Variants in FBXL17 observed in about 807,000 individuals in gnomAD.
FBXL17 encodes F-box and leucine rich repeat protein 17.
FBXL17 carries 22 observed loss-of-function variants against 66.2 expected under a neutral mutation model. The ratio of observed to expected loss-of-function variants is 0.33; its 90% confidence interval spans 0.24 to 0.47. FBXL17 has a LOEUF of 0.47. FBXL17 is among the 20% of genes least tolerant of loss of function. FBXL17 has a pLI of 1.00. For missense variants in FBXL17, 878 were observed against 948.2 expected (o/e 0.93, Z 0.97); for synonymous variants, 474 against 400.5 (o/e 1.18, Z -2.19).
intron 6 of FBXL17, among the ~76,000 whole-genome samples, chr5:108,160,145 A>G (rs1328279908): frequency 6.6e-6 from 1 of 152,206 alleles, no homozygotes; most frequent in Non-Finnish European, 1.5e-5. Context: ...CAAAACCCAG[A>G]TCTTAAAATT....
intron 4 of FBXL17, among the ~76,000 whole-genome samples, chr5:108,280,870 T>C (rs1757674974): frequency 6.6e-6 from 1 of 151,814 alleles, no homozygotes; most frequent in Admixed American, 6.6e-5. Flanking sequence ...GTAGTAGCTA[T>C]ACTCATATTA....
chr5:108,378,333 GT>G (rs982551784), intron 1 of FBXL17, among the ~76,000 whole-genome samples: 7 of 133,540 alleles, frequency 5.2e-5, no homozygotes, highest in South Asian at 5.0e-4. Flanking sequence ...TTTGTTTTTT[GT>G]TTTTTTGTTT....
chr5:108,189,046 T>G (rs910213740), intron 5 of FBXL17, among the ~76,000 whole-genome samples: 5 of 152,188 alleles, frequency 3.3e-5, no homozygotes, highest in Non-Finnish European at 5.9e-5. Flanking sequence ...TCACCCACAG[T>G]CATGGCTGGG....
chr5:107,910,261 T>C lies in FBXL17; in HGVS notation c.1823-29082A>G, dbSNP rs533351844. Among the ~76,000 whole-genome samples, 21 of 152,212 alleles carry C rather than the reference T, an allele frequency of 1.4e-4. No homozygotes were observed. The East Asian group carries it at 4.1e-3, about 29-fold the overall frequency. ...TTTTGAAAACTAAGTATGACGCAAATGAAGTAAATTAAAAATCTTTTAATC... is the reference window on the plus strand; with the variant it reads ...TTTTGAAAACTAAGTATGACGCAAACGAAGTAAATTAAAAATCTTTTAATC... On this transcript the variant is annotated intron_variant, in intron 7 of 8. Coordinates refer to ENST00000542267, the MANE Select transcript of FBXL17 (RefSeq NM_001163315.3).
Position 108,189,891 on chromosome 5 carries a change from G to A in FBXL17, c.1615-3644C>T, listed in dbSNP as rs116700866. Among the ~76,000 whole-genome samples the A allele has an allele frequency of 6.5e-3, 992 of 152,166 alleles. 9 individuals are homozygous for A. The highest frequency in any genetic ancestry group is 0.023 in the African/African-American group (944 of 41,554). On this transcript the variant is annotated intron_variant, in intron 5 of 8. Transcript: ENST00000542267. ...ATAAGGGTGTTAGTTCTACAACCAC[G>A]AGGAACTGAATTCTTCAAGCCACTA...
intron 5 of FBXL17, among the ~76,000 whole-genome samples, chr5:108,194,898 A>G (rs573880762): frequency 6.6e-6 from 1 of 152,184 alleles, no homozygotes; most frequent in African/African-American, 2.4e-5. Flanking sequence ...GTTGATCTCA[A>G]CCTGGACTGG....
chr5:108,245,189 T>C lies in FBXL17; in HGVS notation c.1507-20961A>G, dbSNP rs575940869. 2.6e-5 allele frequency among the ~76,000 whole-genome samples: 4 copies of C among 152,138 alleles called. No individual in the cohort carries two copies. The South Asian group carries it at 8.3e-4, about 31-fold the overall frequency. ...ATCCCTGGAAGTCTGATGTATAATATGCAAAAAGAAAATGCACAGAAGCAA... is the reference window on the plus strand; with the variant it reads ...ATCCCTGGAAGTCTGATGTATAATACGCAAAAAGAAAATGCACAGAAGCAA... On this transcript the variant is annotated intron_variant, in intron 4 of 8. Coordinates refer to ENST00000542267, the MANE Select transcript of FBXL17 (RefSeq NM_001163315.3).
chr5:108,310,263 C>T (rs1475907986), intron 4 of FBXL17, among the ~76,000 whole-genome samples: 1 of 152,120 alleles, frequency 6.6e-6, no homozygotes, highest in Non-Finnish European at 1.5e-5. Context: ...GACTGCAATG[C>T]TAAGAGAAAA....
chr5:108,323,686 T>C (rs923677584), intron 4 of FBXL17, among the ~76,000 whole-genome samples: 1 of 152,018 alleles, frequency 6.6e-6, no homozygotes, highest in Non-Finnish European at 1.5e-5. Context: ...CACTTCCTGA[T>C]TCCAAAACTT....
rs1749814879 is a variant in FBXL17 at position 108,380,869 on chromosome 5, C to T, written c.823G>A (p.Gly275Ser). 2.4e-6 allele frequency: 3 copies of T among 1,243,966 alleles called. No individual in the cohort carries two copies. The highest frequency in any genetic ancestry group is 3.0e-6 in the Non-Finnish European group (3 of 987,838). 77.1% of individuals were successfully genotyped at this position (1,243,966 alleles called of 1,614,324 possible). Residue 275 changes from glycine to serine, a missense_variant, in exon 1 of 9, where the codon GGC (glycine) becomes AGC (serine). This residue lies in a region of FBXL17 where 605 missense variants were observed against 509.5 expected (regional missense o/e 1.19). Coordinates refer to ENST00000542267, the MANE Select transcript of FBXL17 (RefSeq NM_001163315.3). ...PTSEGAPTEA[G>S]GDAVRAGGTA... ...CCCCCGGCTCGGACAGCGTCCCCGC[C>T]AGCTTCGGTGGGGGCACCTTCGGAG... is the stretch of plus-strand genomic sequence containing the variant.
chr5:108,139,866 T>C (rs1463386906), intron 6 of FBXL17, among the ~76,000 whole-genome samples: 1 of 152,194 alleles, frequency 6.6e-6, no homozygotes, highest in African/African-American at 2.4e-5. Context: ...GTGTGCAATT[T>C]GCATGCCTTC....
At chr5:108,312,025 G>A (rs1424584918) in intron 4 of FBXL17, among the ~76,000 whole-genome samples, 1 of 152,104 alleles carries the variant, frequency 6.6e-6, no homozygotes, top group Non-Finnish European at 1.5e-5. Flanking sequence ...GGTCATTGAA[G>A]CTACCGTCAG....
intron 6 of FBXL17, among the ~76,000 whole-genome samples, chr5:108,049,851 T>C (rs969248494): frequency 1.5e-4 from 23 of 152,156 alleles, no homozygotes; most frequent in African/African-American, 5.3e-4. Flanking sequence ...CCATCTCACA[T>C]GCAAAGACAC....
In FBXL17 at chr5:108,021,022, T is replaced by A. The variant is rs375259157; in HGVS notation, c.1746-21A>T. ...CACACCTGAAACATACAAAAAGTGG[T>A]TATACTAATGCGTTTCAAGTTAAAT... On this transcript the variant is annotated intron_variant, in intron 6 of 8. Coordinates refer to ENST00000542267, the MANE Select transcript of FBXL17 (RefSeq NM_001163315.3). 1.0e-5 allele frequency: 16 copies of A among 1,583,072 alleles called. No individual in the cohort carries two copies. In the African/African-American group the frequency reaches 2.2e-4, roughly 21 times the overall value.
At chr5:107,946,394 A>G (rs1751297409) in intron 7 of FBXL17, among the ~76,000 whole-genome samples, 1 of 142,202 alleles carries the variant, frequency 7.0e-6, no homozygotes, top group Admixed American at 7.1e-5. Context: ...TCCTTGGCTT[A>G]AGTGATCTGT....
intron 6 of FBXL17, among the ~76,000 whole-genome samples, chr5:108,024,543 C>T (rs1421787868): frequency 6.6e-6 from 1 of 152,138 alleles, no homozygotes; most frequent in East Asian, 1.9e-4. Context: ...TCTGAATTGC[C>T]TACCCTCAGT....
At chr5:108,293,026 T>C (rs1163199598) in intron 4 of FBXL17, among the ~76,000 whole-genome samples, 2 of 150,058 alleles carry the variant, frequency 1.3e-5, no homozygotes, top group Non-Finnish European at 3.0e-5. Context: ...AGGCGGAGCT[T>C]ATAGTGAGCT....
At chr5:107,865,637 A>G (rs371558309) in intron 8 of FBXL17, among the ~76,000 whole-genome samples, 2 of 152,308 alleles carry the variant, frequency 1.3e-5, no homozygotes, top group East Asian at 3.9e-4. Context: ...CATATAATGT[A>G]TCTTCTAAGC....
chr5:108,194,838 A>G (rs1340780504), intron 5 of FBXL17, among the ~76,000 whole-genome samples: 1 of 152,170 alleles, frequency 6.6e-6, no homozygotes, highest in African/African-American at 2.4e-5. Context: ...ATTTTGATTT[A>G]ATTGTCTTGG....
Sources: gnomAD v4.1 joint callset for allele counts (sites outside exome capture counted in the v4.1 genomes callset) on GRCh38, gnomAD v4.1.1 for gene constraint, gnomAD v4.1.1 regional missense constraint, MANE v1.5 for transcripts, NCBI Gene and HGNC (gene_info 2026-07-23, HGNC 2026-07-21) for gene names.